CLK4: variants seen among roughly 807,000 people sequenced by gnomAD.
CLK4 encodes dual specificity protein kinase CLK4.
In CLK4, 37 loss-of-function variants were observed where a neutral mutation model predicts 64.4. The ratio of observed to expected loss-of-function variants is 0.57; its 90% CI spans 0.44 to 0.76. The LOEUF (loss-of-function observed/expected upper bound fraction) is 0.76, where lower values mean the gene tolerates loss of function less well. CLK4 is among the 30% of genes least tolerant of loss of function. CLK4 has a pLI of 0.00. For synonymous variants in CLK4, 175 were observed against 191.6 expected, an observed-to-expected ratio of 0.91 and a Z score of 0.72; for missense variants, 457 against 605.1, an observed-to-expected ratio of 0.76 and a Z score of 2.57.
intron 9 of CLK4, among the ~76,000 whole-genome samples, chr5:178,611,585 T>C (rs1432058922): frequency 6.6e-6 from 1 of 152,202 alleles, no homozygotes; most frequent in Middle Eastern, 3.2e-3. Flanking sequence ...ACAGGATTCT[T>C]GATTTCCTCA....
intron 5 of CLK4, among the ~76,000 whole-genome samples, chr5:178,615,373 G>A (rs923384918): frequency 2.0e-5 from 3 of 152,124 alleles, no homozygotes; most frequent in African/African-American, 7.2e-5. Context: ...TAAACATTTG[G>A]AAAATAGGTT....
chr5:178,616,598 C>T (rs1764630285), intron 5 of CLK4, among the ~76,000 whole-genome samples: 4 of 152,102 alleles, frequency 2.6e-5, no homozygotes, highest in Admixed American at 2.6e-4. Context: ...GAGTTCGAGA[C>T]CACCCAGGCC....
chr5:178,604,570 T>G (rs562215310), intron 11 of CLK4: 1 of 152,096 alleles, frequency 6.6e-6, no homozygotes, highest in Non-Finnish European at 1.5e-5. Flanking sequence ...GGATGATGGT[T>G]TGGAATCAAA....
rs942703931 is a variant in CLK4, at chr5:178,603,319, A to T, written c.*298T>A. On this transcript the variant is annotated 3_prime_UTR_variant, in exon 13 of 13. Transcript: ENST00000316308. ...CTCAAAAAAAATCACTTCAGAGGTG[A>T]CCTCCATGTACAAAAGGCAAGATCA... is the stretch of plus-strand genomic sequence containing the variant. 5.5e-6 allele frequency: 1 copy of T among 182,400 alleles called. No individual in the cohort carries two copies. Among genetic ancestry groups the T allele is most frequent in the Non-Finnish European group, 1.1e-5 (1 of 88,184 alleles). The allele number at this position is 182,400 out of a possible 1,614,324, so 11.3% of individuals were successfully genotyped here.
At chr5:178,619,978 C>T (rs1764683708) in intron 2 of CLK4, 2 of 439,980 alleles carry the variant, frequency 4.5e-6, no homozygotes, top group Non-Finnish European at 9.3e-6. Flanking sequence ...CGGATGTTGA[C>T]TAGATTGCCC....
rs150317104 is a variant in CLK4 at position 178,613,503 on chromosome 5, T to A, written c.796A>T (p.Met266Leu). ...ATTGACTGGCAGATCTGATACGCCA[T>A]CTGCCTGATGTGGTCAATTTGAAAT... ...LPFQIDHIRQ[M>L]AYQICQSINF... The change falls in exon 7 of 13, where the codon ATG (methionine) becomes TTG (leucine). Residue 266 changes from methionine (M) to leucine (L), a missense_variant. By Grantham distance (15) the Met-to-Leu change is conservative. Transcript: ENST00000316308. The A allele has an allele frequency of 1.9e-6, 3 of 1,595,462 alleles. No individual in the cohort carries two copies. The African/African-American group carries it at 4.0e-5, about 21-fold the overall frequency.
At chr5:178,606,407 G>T (rs1377708192) in intron 10 of CLK4, among the ~76,000 whole-genome samples, 5 of 152,086 alleles carry the variant, frequency 3.3e-5, no homozygotes, top group Non-Finnish European at 4.4e-5. Flanking sequence ...TTTTCAACAG[G>T]ATCTCTACAG....
chr5:178,611,974 C>T (rs1481882740), intron 9 of CLK4, among the ~76,000 whole-genome samples: 2 of 146,072 alleles, frequency 1.4e-5, no homozygotes, highest in Admixed American at 6.7e-5. Flanking sequence ...TTTCTCACAT[C>T]AAGGGTTATC....
Position 178,623,321 on chromosome 5 carries a change from T to G in CLK4, c.96A>C (p.Arg32Ser), listed in dbSNP as rs766132043. 9 of 1,613,938 alleles carry G rather than the reference T, an allele frequency of 5.6e-6. No individual in the cohort carries two copies. The highest frequency in any genetic ancestry group is 7.6e-6 in the Non-Finnish European group (9 of 1,179,972). ...SYRGSHKRKR[R>S]SHSSTQENRH... ...TGTTCTCTTGTGTGCTACTATGAGA[T>G]CTCCTCTTCCGCTTGTGACTTCCAC... is the stretch of plus-strand genomic sequence containing the variant. The change falls in exon 2 of 13, where the codon AGA (arginine) becomes AGC (serine). Residue 32 changes from arginine (R) to serine (S), a missense_variant. By Grantham distance (110) the Arg-to-Ser change is moderately radical. Transcript: ENST00000316308.
At chr5:178,622,389 A>G (rs1764719518) in intron 2 of CLK4, 3 of 981,688 alleles carry the variant, frequency 3.1e-6, no homozygotes, top group Non-Finnish European at 3.6e-6. Context: ...AAGAAATTAC[A>G]TACTGTTTTT....
intron 2 of CLK4, chr5:178,622,007 TACAAATATCAAA>T: frequency 6.6e-6 from 1 of 152,154 alleles, no homozygotes; most frequent in Non-Finnish European, 1.5e-5. Context: ...ACACATCTGG[TACAAATATCAAA>T]GCAGGCACTG....
intron 2 of CLK4, chr5:178,620,187 AT>A: frequency 3.5e-6 from 1 of 283,288 alleles, no homozygotes; most frequent in South Asian, 3.5e-5. Context: ...AACTCAGGAT[AT>A]TTGGGTAAGA....
chr5:178,609,735 ATAT>A (rs1764528911), intron 9 of CLK4, among the ~76,000 whole-genome samples: 2 of 23,436 alleles, frequency 8.5e-5, no homozygotes, highest in African/African-American at 6.2e-4. Flanking sequence ...AAATTTTAAA[ATAT>A]ATATATATAT....
chr5:178,624,608 C>A (rs951942249), intron 1 of CLK4, among the ~76,000 whole-genome samples: 1 of 152,142 alleles, frequency 6.6e-6, no homozygotes, highest in Non-Finnish European at 1.5e-5. Context: ...TAATTATTTT[C>A]CAAAACAGTT....
rs1581709972 is a variant in CLK4 at position 178,618,668 on chromosome 5, C to T, written c.272G>A (p.Arg91Lys). 4 of 1,613,974 alleles carry T rather than the reference C, an allele frequency of 2.5e-6. No homozygotes were observed. Among genetic ancestry groups the T allele is most frequent in the Non-Finnish European group, 3.4e-6 (4 of 1,179,928 alleles). Reference sequence around the variant, plus strand: ...GATTCGATACCCGCTTTCAATGTCTCTGTGATAATGTCTAGGAACATATCC... The same window carrying T: ...GATTCGATACCCGCTTTCAATGTCTTTGTGATAATGTCTAGGAACATATCC... ...CEGYVPRHYH[R>K]DIESGYRIHC... Residue 91 changes from arginine (R) to lysine (K), a missense_variant, in exon 3 of 13, where the codon AGA becomes AAA. Arg to Lys is a conservative substitution (Grantham distance 26). Transcript: ENST00000316308.
In CLK4 at chr5:178,617,882, T is replaced by C. The variant is rs995877456; in HGVS notation, c.385-448A>G. On this transcript the variant is annotated intron_variant, in intron 3 of 12. Transcript: ENST00000316308. This position sits in a 1 kb window ranked among gnomAD's most constrained non-coding sequence, Gnocchi z 5.2. ...ATTTAGCAATATTTTAAAATATACA[T>C]GATTAAAATAAAAGGGGAAAATAAA... 6.6e-6 allele frequency: 1 copy of C among 152,376 alleles called. No homozygotes were observed. The highest frequency in any genetic ancestry group is 2.1e-4 in the South Asian group (1 of 4,834). 9.4% of individuals were successfully genotyped at this position (152,376 alleles called of 1,614,324 possible). A position where few individuals can be genotyped will look rare whatever the true frequency, so the allele number is the denominator to read the frequency against.
Position 178,608,358 on chromosome 5 carries a change from A to C in CLK4, c.1134+18T>G. On this transcript the variant is annotated intron_variant, in intron 10 of 12. Transcript: ENST00000316308. ...CAATTTGTTATGAATTATTAAATGGAATTTACTAGCCACGTACCTGAAAGA... is the reference window on the plus strand; with the variant it reads ...CAATTTGTTATGAATTATTAAATGGCATTTACTAGCCACGTACCTGAAAGA... The C allele has an allele frequency of 6.5e-7, 1 of 1,528,278 alleles. No homozygotes were observed. The highest frequency in any genetic ancestry group is 8.9e-7 in the Non-Finnish European group (1 of 1,123,560). The allele number at this position is 1,528,278 out of a possible 1,614,324, so 94.7% of individuals were successfully genotyped here.
chr5:178,605,880 A>G (rs1032114880), intron 10 of CLK4: 4 of 152,242 alleles, frequency 2.6e-5, no homozygotes, highest in African/African-American at 9.7e-5. Context: ...AAAGGGCCAG[A>G]TAGTAAATAT....
At position 178,612,412 on chromosome 5, in the gene CLK4, T is replaced by C. The variant is rs948877992; in HGVS notation, c.1051+4A>G. 1.9e-6 allele frequency: 3 copies of C among 1,605,286 alleles called. No individual in the cohort carries two copies. The highest frequency in any genetic ancestry group is 2.7e-5 in the African/African-American group (2 of 74,672). ...TAATATTAGAAAGCCTGGTGTCTAC[T>C]GACCCAAAATGACCTCGGGAGCTCT... On this transcript the variant is annotated splice_donor_region_variant and intron_variant, in intron 9 of 12. Coordinates refer to ENST00000316308, the MANE Select transcript of CLK4 (RefSeq NM_020666.3).
Sources: gnomAD v4.1 joint callset for allele counts (sites outside exome capture counted in the v4.1 genomes callset) on GRCh38, gnomAD v4.1.1 for gene constraint, Gnocchi (gnomAD v3.1) non-coding constraint, MANE v1.5 for transcripts, NCBI Gene and HGNC (gene_info 2026-07-23, HGNC 2026-07-21) for gene names.